DCC: variants seen among roughly 807,000 people sequenced by gnomAD.
DCC encodes the protein DCC netrin 1 receptor, also known as netrin receptor DCC.
Under a neutral mutation model 172.5 loss-of-function variants are expected in DCC, and 58 were observed. The observed-to-expected ratio is 0.34, with a 90% CI of 0.27 to 0.42. The LOEUF (loss-of-function observed/expected upper bound fraction) is 0.42, where lower values mean the gene tolerates loss of function less well. Ranked by LOEUF, DCC falls within the 10% of genes least tolerant of loss-of-function variation. The pLI, the probability that DCC is intolerant of heterozygous loss-of-function variation, is 1.00. For synonymous variants in DCC, 709 were observed against 644.5 expected (o/e 1.10, Z -1.52); for missense variants, 1,740 against 1,791.0 (o/e 0.97, Z 0.51).
Position 52,679,865 on chromosome 18 carries a change from G to T in DCC, c.92-72189G>T, listed in dbSNP as rs371371128. Among the ~76,000 whole-genome samples the T allele has an allele frequency of 4.6e-5, 7 of 152,136 alleles. No homozygotes were observed. The South Asian group carries it at 6.2e-4, about 14-fold the overall frequency. On this transcript the variant is annotated intron_variant, in intron 1 of 28. Coordinates refer to ENST00000442544, the MANE Select transcript of DCC (RefSeq NM_005215.4). ...TATCACAGCAGTTACCTAAACAGAG[G>T]TGTTAGTGTCTGATGTCCTGTATTC... is the stretch of plus-strand genomic sequence containing the variant.
At chr18:52,852,456 CAAA>C (rs983845184) in intron 2 of DCC, among the ~76,000 whole-genome samples, 1 of 146,984 alleles carries the variant, frequency 6.8e-6, no homozygotes, top group African/African-American at 2.7e-5. Flanking sequence ...AACTGAAAAA[CAAA>C]AAACAAAATA....
chr18:53,505,944 A>G (rs1387149642), intron 27 of DCC, among the ~76,000 whole-genome samples: 2 of 152,338 alleles, frequency 1.3e-5, no homozygotes, highest in African/African-American at 4.8e-5. Context: ...TTGAAAATAA[A>G]GCATCTTTTT....
At chr18:53,222,917 T>A (rs2055965528) in intron 12 of DCC, among the ~76,000 whole-genome samples, 1 of 152,122 alleles carries the variant, frequency 6.6e-6, no homozygotes, top group Non-Finnish European at 1.5e-5. Flanking sequence ...CTCCATAAAT[T>A]GAAGAACCTC....
At chr18:52,435,926 C>T (rs576972816) in intron 1 of DCC, among the ~76,000 whole-genome samples, 1 of 152,212 alleles carries the variant, frequency 6.6e-6, no homozygotes, top group Non-Finnish European at 1.5e-5. Flanking sequence ...GCCCGCTGAA[C>T]CAAACAGGCC....
At chr18:52,490,239 T>A (rs987274406) in intron 1 of DCC, among the ~76,000 whole-genome samples, 10 of 152,244 alleles carry the variant, frequency 6.6e-5, no homozygotes, top group African/African-American at 1.9e-4. Context: ...AGGAAAAGAA[T>A]GTCATCTCTT....
At chr18:53,350,040 G>C (rs1473737959) in intron 15 of DCC, among the ~76,000 whole-genome samples, 1 of 151,876 alleles carries the variant, frequency 6.6e-6, no homozygotes, top group African/African-American at 2.4e-5. Context: ...AAGATAAAAA[G>C]TAACATAAAA....
chr18:52,913,857 A>G (rs1397832309), intron 3 of DCC, among the ~76,000 whole-genome samples: 1 of 152,138 alleles, frequency 6.6e-6, no homozygotes, highest in Non-Finnish European at 1.5e-5. Flanking sequence ...CATGAAGCAA[A>G]AGTCACAAAA....
chr18:52,788,300 C>T (rs996905678), intron 2 of DCC, among the ~76,000 whole-genome samples: 9 of 152,122 alleles, frequency 5.9e-5, no homozygotes, highest in Admixed American at 1.3e-4. Context: ...ACTGTTAACT[C>T]TTTGCAACTT....
intron 1 of DCC, among the ~76,000 whole-genome samples, chr18:52,689,387 A>C (rs1371807468): frequency 1.3e-5 from 2 of 152,168 alleles, no homozygotes. Flanking sequence ...GTAATTGGAG[A>C]AGCATGAAAA....
chr18:52,742,022 GCT>G (rs2036829366), intron 1 of DCC, among the ~76,000 whole-genome samples: 1 of 152,180 alleles, frequency 6.6e-6, no homozygotes, highest in Non-Finnish European at 1.5e-5. Flanking sequence ...AGACATCTGA[GCT>G]CTCTGTCTCC....
chr18:52,424,902 A>C (rs1212853641), intron 1 of DCC, among the ~76,000 whole-genome samples: 5 of 148,580 alleles, frequency 3.4e-5, no homozygotes, highest in African/African-American at 1.2e-4. Context: ...ATTTTTTATT[A>C]TCTCTCCTGA....
intron 11 of DCC, among the ~76,000 whole-genome samples, chr18:53,211,374 A>G (rs2055749685): frequency 6.6e-6 from 1 of 152,188 alleles, no homozygotes; most frequent in Admixed American, 6.5e-5. Context: ...TCATTGTGGA[A>G]ACATGTTTCT....
chr18:53,312,862 T>C (rs1599013576), intron 13 of DCC, among the ~76,000 whole-genome samples: 1 of 106,522 alleles, frequency 9.4e-6, no homozygotes, highest in African/African-American at 3.8e-5. Flanking sequence ...TTACTCCACC[T>C]CCAATGAAAG....
chr18:53,514,164 A>G (rs905788359), intron 27 of DCC, among the ~76,000 whole-genome samples: 1 of 152,222 alleles, frequency 6.6e-6, no homozygotes, highest in Non-Finnish European at 1.5e-5. Context: ...AAACCGCTCA[A>G]CTACATGGAA....
At chr18:53,062,681 A>G (rs2042512507) in intron 5 of DCC, among the ~76,000 whole-genome samples, 1 of 152,192 alleles carries the variant, frequency 6.6e-6, no homozygotes, top group Non-Finnish European at 1.5e-5. Flanking sequence ...TAATTAAGAA[A>G]TGGAATTAAA....
intron 1 of DCC, among the ~76,000 whole-genome samples, chr18:52,349,990 C>T (rs1312290829): frequency 6.6e-6 from 1 of 152,122 alleles, no homozygotes; most frequent in African/African-American, 2.4e-5. Context: ...GCTTATTGTA[C>T]AGCCATAGAC....
intron 5 of DCC, among the ~76,000 whole-genome samples, chr18:52,973,961 T>A (rs567463106): frequency 1.3e-5 from 2 of 152,260 alleles, no homozygotes; most frequent in South Asian, 4.1e-4. Context: ...CTGTTGTATG[T>A]GTGGCGGAGG....
intron 1 of DCC, among the ~76,000 whole-genome samples, chr18:52,568,602 TA>T (rs1309970085): frequency 7.3e-5 from 11 of 151,524 alleles, no homozygotes; most frequent in East Asian, 3.9e-4. Flanking sequence ...TAATAAATAT[TA>T]TTTTTTTTCA....
rs755118442 is a variant in DCC, at chr18:52,950,929, CAAAAAAAAAAAAAAAAAAAAAAAAAA to C, written c.985+25576_985+25601del. 1.6e-4 allele frequency among the ~76,000 whole-genome samples: 9 copies of C among 57,408 alleles called. 1 individual carries two copies. Among genetic ancestry groups the C allele is most frequent in the South Asian group, 1.0e-3 (1 of 980 alleles). 37.7% of individuals were successfully genotyped at this position (57,408 alleles called of 152,430 possible). On this transcript the variant is annotated intron_variant, in intron 5 of 28. Transcript: ENST00000442544. ...TGGGCGACAGAGTGAGACTCCGTCTCAAAAAAAAAAAAAAAAAAAAAAAAAAAAAAAAAAAAAAAAAAGTCTGAATA... is the reference window on the plus strand; with the variant it reads ...TGGGCGACAGAGTGAGACTCCGTCTCAAAAAAAAAAAAAAAAGTCTGAATA...
Sources: gnomAD v4.1 joint callset for allele counts (sites outside exome capture counted in the v4.1 genomes callset) on GRCh38, gnomAD v4.1.1 for gene constraint, MANE v1.5 for transcripts, NCBI Gene and HGNC (gene_info 2026-07-23, HGNC 2026-07-21) for gene names.